PPP1R14C: variants seen among roughly 807,000 people sequenced by gnomAD.
PPP1R14C encodes the protein protein phosphatase 1 regulatory subunit 14C.
In PPP1R14C, 16 loss-of-function variants were observed where a neutral mutation model predicts 20.4. The ratio of observed to expected loss-of-function variants is 0.78; its 90% confidence interval spans 0.53 to 1.19. PPP1R14C has a LOEUF of 1.19. Among genes scored for constraint, PPP1R14C ranks in the 50% most tolerant of loss-of-function variants. The pLI, the probability that PPP1R14C is intolerant of heterozygous loss-of-function variation, is 0.00. For missense variants in PPP1R14C, 211 were observed against 220.1 expected (o/e 0.96, Z 0.26); for synonymous variants, 91 against 91.0 (o/e 1.00, Z 0.00).
chr6:150,153,911 A>C (rs1323939261), intron 1 of PPP1R14C, among the ~76,000 whole-genome samples: 1 of 152,242 alleles, frequency 6.6e-6, no homozygotes, highest in Non-Finnish European at 1.5e-5. Context: ...AACATAGGGC[A>C]GGAAAGGGGT....
At chr6:150,175,672 GC>G (rs2114873888) in intron 1 of PPP1R14C, among the ~76,000 whole-genome samples, 1 of 152,252 alleles carries the variant, frequency 6.6e-6, no homozygotes, top group South Asian at 2.1e-4. Context: ...CAGAACTGTT[GC>G]TTTGTATGAT....
chr6:150,144,043 G>A (rs1454921499), intron 1 of PPP1R14C, among the ~76,000 whole-genome samples: 1 of 152,218 alleles, frequency 6.6e-6, no homozygotes, highest in East Asian at 1.9e-4. Flanking sequence ...GAGATGGAAC[G>A]CTTTCCGCTT....
rs953383581 is a variant in PPP1R14C at position 150,239,580 on chromosome 6, C to T, written c.424-9166C>T. On this transcript the variant is annotated intron_variant, in intron 3 of 3. Transcript: ENST00000361131. Reference sequence around the variant, plus strand: ...TGTGTGAGATGCCACTAAAGCAATGCTTAGTGCTGCTGGGGGTGGGGGAAC... The same window carrying T: ...TGTGTGAGATGCCACTAAAGCAATGTTTAGTGCTGCTGGGGGTGGGGGAAC... Among the ~76,000 whole-genome samples, 4 of 152,220 alleles carry T rather than the reference C, an allele frequency of 2.6e-5. No homozygotes were observed. The East Asian group carries it at 7.7e-4, about 29-fold the overall frequency.
At chr6:150,167,965 T>TTTCTCCCCTTCTCTCCTCCC (rs1777443854) in intron 1 of PPP1R14C, among the ~76,000 whole-genome samples, 53 of 3,968 alleles carry the variant, frequency 0.013, 1 homozygote, top group East Asian at 0.056. Context: ...TCTCCTCCCC[T>TTTCTCCCCTTCTCTCCTCCC]CTTTCTCTCC....
In PPP1R14C at chr6:150,204,263, G is replaced by A. The variant is rs551546428; in HGVS notation, c.307-10481G>A. On this transcript the variant is annotated intron_variant, in intron 1 of 3. Transcript: ENST00000361131. ...CTCGTCTTACGAGGACCAACCTGCC[G>A]ACTTTCTCGTCACGGGGGCATTGTT... Among the ~76,000 whole-genome samples, 5 of 152,324 alleles carry A rather than the reference G, an allele frequency of 3.3e-5. No individual in the cohort carries two copies. The South Asian group carries it at 1.0e-3, about 32-fold the overall frequency.
At chr6:150,195,658 T>C in intron 1 of PPP1R14C, 1 of 192,768 alleles carries the variant, frequency 5.2e-6, no homozygotes, top group Non-Finnish European at 9.5e-6. Context: ...TGTTTTTTTA[T>C]TGTTGTAAAA....
rs188471840 is a variant in PPP1R14C, at chr6:150,188,648, G to A, written c.307-26096G>A. Among the ~76,000 whole-genome samples the A allele has an allele frequency of 2.0e-3, 304 of 150,592 alleles. 5 individuals carry two copies. The East Asian group carries it at 0.027, about 14-fold the overall frequency. ...ACTACAGGCGCCCACCACCACGCCC[G>A]GCTAATTTTTTGTGTTTTTAGTAGA... On this transcript the variant is annotated intron_variant, in intron 1 of 3. Coordinates refer to ENST00000361131, the MANE Select transcript of PPP1R14C (RefSeq NM_030949.3).
At chr6:150,236,571 TGAG>T (rs1778362696) in intron 3 of PPP1R14C, among the ~76,000 whole-genome samples, 1 of 146,620 alleles carries the variant, frequency 6.8e-6, no homozygotes, top group Admixed American at 6.8e-5. Flanking sequence ...GGAGCCAGCA[TGAG>T]GAGGAGGAGC....
chr6:150,148,457 ATACCT>A (rs1777203230), intron 1 of PPP1R14C, among the ~76,000 whole-genome samples: 2 of 152,202 alleles, frequency 1.3e-5, no homozygotes, highest in Non-Finnish European at 2.9e-5. Flanking sequence ...TGCTGCTGTT[ATACCT>A]TGTAAATGGA....
intron 1 of PPP1R14C, among the ~76,000 whole-genome samples, chr6:150,151,311 G>A (rs139704725): frequency 1.3e-5 from 2 of 152,196 alleles, no homozygotes; most frequent in South Asian, 2.1e-4. Context: ...CTCAGTGGGC[G>A]GCAGGCGCTG....
chr6:150,147,468 G>A (rs968026130), intron 1 of PPP1R14C, among the ~76,000 whole-genome samples: 27 of 152,034 alleles, frequency 1.8e-4, no homozygotes, highest in Admixed American at 6.5e-4. Context: ...ATGAGCCACC[G>A]CGCCCAGCCA....
At chr6:150,199,184 T>C (rs1454645216) in intron 1 of PPP1R14C, among the ~76,000 whole-genome samples, 1 of 152,152 alleles carries the variant, frequency 6.6e-6, no homozygotes, top group Non-Finnish European at 1.5e-5. Flanking sequence ...TCTGCATTTT[T>C]ACAAGTTCAT....
At position 150,198,673 on chromosome 6, in the gene PPP1R14C, C is replaced by A. The variant is rs115534802; in HGVS notation, c.307-16071C>A. On this transcript the variant is annotated intron_variant, in intron 1 of 3. Coordinates refer to ENST00000361131, the MANE Select transcript of PPP1R14C (RefSeq NM_030949.3). ...TGTTCTCAGAGGGGCTCAGGAGAAG[C>A]AAAGATGAGCAGTGGCCGAGGAATG... 3.6e-3 allele frequency among the ~76,000 whole-genome samples: 547 copies of A among 152,344 alleles called. 2 individuals carry two copies. The highest frequency in any genetic ancestry group is 0.012 in the African/African-American group (505 of 41,580).
chr6:150,238,379 A>G (rs1778388840), intron 3 of PPP1R14C, among the ~76,000 whole-genome samples: 1 of 152,052 alleles, frequency 6.6e-6, no homozygotes, highest in South Asian at 2.1e-4. Context: ...GGAAGGAGAG[A>G]GGAGAGGGTG....
At chr6:150,189,207 T>G (rs763263950) in intron 1 of PPP1R14C, among the ~76,000 whole-genome samples, 4 of 143,498 alleles carry the variant, frequency 2.8e-5, no homozygotes, top group Non-Finnish European at 5.9e-5. Context: ...AATTCCTCCT[T>G]CTTGTAAGTT....
chr6:150,181,263 A>G (rs1052500377), intron 1 of PPP1R14C, among the ~76,000 whole-genome samples: 1 of 151,876 alleles, frequency 6.6e-6, no homozygotes, highest in Non-Finnish European at 1.5e-5. Flanking sequence ...TGCAACCTCC[A>G]CCTCTCGGGT....
chr6:150,216,704 G>A, intron 2 of PPP1R14C, 120 bp from the exon 3 acceptor site: 2 of 719,526 alleles, frequency 2.8e-6, no homozygotes, highest in South Asian at 3.5e-5. Flanking sequence ...TAGATAGTAT[G>A]AAATCTTGAT....
rs184151217 is a variant in PPP1R14C at position 150,180,384 on chromosome 6, C to T, written c.307-34360C>T. The stretch of plus-strand genomic sequence containing the variant: ...CTGTGTGACTGTGGGCAAATAACCC[C>T]GAGTCTCAGCTACTTCATCTGTAAG... On this transcript the variant is annotated intron_variant, in intron 1 of 3. Transcript: ENST00000361131. Among the ~76,000 whole-genome samples the T allele has an allele frequency of 1.2e-4, 18 of 152,268 alleles. No individual in the cohort carries two copies. In the East Asian group the frequency reaches 2.1e-3, roughly 18 times the overall value.
At chr6:150,192,400 A>G (rs1777756064) in intron 1 of PPP1R14C, among the ~76,000 whole-genome samples, 1 of 152,026 alleles carries the variant, frequency 6.6e-6, no homozygotes, top group South Asian at 2.1e-4. Flanking sequence ...GGAGCATGCA[A>G]CCCAGATCCC....
Sources: gnomAD v4.1 joint callset for allele counts (sites outside exome capture counted in the v4.1 genomes callset) on GRCh38, gnomAD v4.1.1 for gene constraint, MANE v1.5 for transcripts, NCBI Gene and HGNC (gene_info 2026-07-23, HGNC 2026-07-21) for gene names.